Variants in STIP1 observed in about 807,000 individuals in gnomAD.
The protein encoded by STIP1 is stress-induced-phosphoprotein 1.
In STIP1, 16 loss-of-function variants were observed where a neutral mutation model predicts 77.4. The ratio of observed to expected loss-of-function variants is 0.21; its 90% CI spans 0.14 to 0.31. The LOEUF is 0.31. Among genes scored for constraint, STIP1 ranks in the 10% least tolerant of loss-of-function variants. The probability of loss-of-function intolerance (pLI) is 1.00; values close to 1 mark genes in which losing one functional copy is unlikely to be tolerated. For synonymous variants in STIP1, 258 were observed against 246.6 expected, an observed-to-expected ratio of 1.05 and a Z score of -0.44; for missense variants, 524 against 684.8, an observed-to-expected ratio of 0.77 and a Z score of 2.62.
intron 1 of STIP1, 42 bp downstream of exon 1, chr11:64,186,312 G>T: frequency 6.6e-7 from 1 of 1,504,230 alleles, no homozygotes; most frequent in Non-Finnish European, 8.9e-7. Context: ...GCCTGCTCGG[G>T]GACCGGCGGT....
rs1231208550 is a variant in STIP1 at position 64,197,534 on chromosome 11, C to G, written c.841C>G (p.Leu281Val). 4 of 1,614,022 alleles carry G rather than the reference C, an allele frequency of 2.5e-6. No homozygotes were observed. The African/African-American group carries it at 5.3e-5, about 22-fold the overall frequency. The change falls in exon 7 of 14, where the codon CTT (leucine) becomes GTT (valine). Residue 281 changes from leucine to valine, a missense_variant. Leu to Val is a conservative substitution (Grantham distance 32). Coordinates refer to ENST00000305218, the MANE Select transcript of STIP1 (RefSeq NM_006819.3). ...GGGCGACTACAATAAGTGCCGGGAGCTTTGTGAGAAGGCCATTGAAGTGGG... is the reference window on the plus strand; with the variant it reads ...GGGCGACTACAATAAGTGCCGGGAGGTTTGTGAGAAGGCCATTGAAGTGGG... ...EKGDYNKCRE[L>V]CEKAIEVGRE...
chr11:64,197,791 T>C (rs1024308230), intron 7 of STIP1, 63 bp from the exon 8 acceptor site: 49 of 1,587,256 alleles, frequency 3.1e-5, no homozygotes, highest in Non-Finnish European at 1.9e-5. Flanking sequence ...CAGGTGTGTT[T>C]TTCTGCAGGA....
chr11:64,200,298 C>A lies in STIP1; in HGVS notation c.1245+5C>A. 2 of 1,606,376 alleles carry A rather than the reference C, an allele frequency of 1.2e-6. No homozygotes were observed. Among genetic ancestry groups the A allele is most frequent in the Non-Finnish European group, 1.7e-6 (2 of 1,177,054 alleles). On this transcript the variant is annotated splice_donor_5th_base_variant and intron_variant, in intron 10 of 13. Transcript: ENST00000305218. ...GAGTTCCAGCTGGCACTCAAGGTGA[C>A]GAGACCTGTGGGGGCGGCCATTACT...
At chr11:64,194,717 G>A in intron 4 of STIP1, 97 bp downstream of exon 4, 1 of 1,475,858 alleles carries the variant, frequency 6.8e-7, no homozygotes, top group East Asian at 2.4e-5. Flanking sequence ...CTAAACTGCA[G>A]AGTTTTTGCC....
intron 8 of STIP1, among the ~76,000 whole-genome samples, chr11:64,198,703 T>C (rs1177298918): frequency 1.3e-5 from 2 of 151,640 alleles, no homozygotes; most frequent in Non-Finnish European, 2.9e-5. Context: ...TCTTTCTCTG[T>C]CATTTAACAG....
chr11:64,190,161 CG>C (rs34924525), intron 1 of STIP1, among the ~76,000 whole-genome samples: 2 of 151,936 alleles, frequency 1.3e-5, no homozygotes, highest in African/African-American at 4.8e-5. Flanking sequence ...CCACCACATC[CG>C]GGCAATTTAT....
At position 64,202,861 on chromosome 11, in the gene STIP1, G is replaced by A. The variant is rs777389412; in HGVS notation, c.1246-15G>A. On this transcript the variant is annotated splice_polypyrimidine_tract_variant and intron_variant, in intron 10 of 13. Coordinates refer to ENST00000305218, the MANE Select transcript of STIP1 (RefSeq NM_006819.3). ...AAGGGAATGAGCCTAATTTCTTTCTGTTGCTTCATTCTAGGACTGTGAGGA... is the reference window on the plus strand; with the variant it reads ...AAGGGAATGAGCCTAATTTCTTTCTATTGCTTCATTCTAGGACTGTGAGGA... 2 of 1,614,026 alleles carry A rather than the reference G, an allele frequency of 1.2e-6. No homozygotes were observed. The highest frequency in any genetic ancestry group is 2.7e-5 in the African/African-American group (2 of 74,924).
At chr11:64,186,982 T>C (rs1946029856) in intron 1 of STIP1, among the ~76,000 whole-genome samples, 1 of 152,108 alleles carries the variant, frequency 6.6e-6, no homozygotes, top group East Asian at 1.9e-4. Context: ...CCCCTCCCCC[T>C]CTTTTTGTAT....
At chr11:64,200,071 G>T in intron 9 of STIP1, 35 bp downstream of exon 9, 3 of 1,614,064 alleles carry the variant, frequency 1.9e-6, no homozygotes, top group Non-Finnish European at 2.5e-6. Flanking sequence ...GGGGAGCAGT[G>T]CTGGGTGTGC....
chr11:64,203,664 C>A (rs1368990695), intron 13 of STIP1, 42 bp downstream of exon 13: 1 of 1,613,156 alleles, frequency 6.2e-7, no homozygotes. Context: ...AAATGGAGAA[C>A]AAAAGCAGGC....
At chr11:64,191,806 A>G (rs1291514260) in intron 1 of STIP1, among the ~76,000 whole-genome samples, 2 of 151,444 alleles carry the variant, frequency 1.3e-5, no homozygotes, top group Non-Finnish European at 2.9e-5. Flanking sequence ...GGAAAATGCA[A>G]ACTTGGGGAG....
intron 12 of STIP1, 75 bp downstream of exon 12, chr11:64,203,303 A>G: frequency 1.3e-6 from 2 of 1,589,312 alleles, no homozygotes; most frequent in Middle Eastern, 1.7e-4. Context: ...TCAGTCCCTG[A>G]TTTCTTCCCT....
At chr11:64,185,658 G>A (rs1250349990), upstream of STIP1, 3 of 943,004 alleles carry the variant, frequency 3.2e-6, no homozygotes, top group African/African-American at 3.3e-5. Context: ...AGGCCCCGCA[G>A]CCGCCGGCGA....
intron 5 of STIP1, 23 bp from the exon 6 acceptor site, chr11:64,197,248 A>G: frequency 4.3e-6 from 7 of 1,613,412 alleles, no homozygotes; most frequent in Non-Finnish European, 5.1e-6. Flanking sequence ...TTTGCTCAGC[A>G]CTCACTTCTA....
At chr11:64,197,684 G>C in intron 7 of STIP1, 89 bp downstream of exon 7, 3 of 1,566,704 alleles carry the variant, frequency 1.9e-6, no homozygotes, top group Non-Finnish European at 2.6e-6. Context: ...GAGGGCTGCT[G>C]GCCATAGAAT....
rs113983642 is a variant in STIP1, at chr11:64,190,677, C to T, written c.10-2401C>T. 7.3e-3 allele frequency among the ~76,000 whole-genome samples: 1,115 copies of T among 152,270 alleles called. 10 individuals carry two copies. The highest frequency in any genetic ancestry group is 0.014 in the Admixed American group (215 of 15,296). ...GATAATACATAGAATGAGTTAGTAACTTCGGTGACAACTCTATCTCACAGA... is the reference window on the plus strand; with the variant it reads ...GATAATACATAGAATGAGTTAGTAATTTCGGTGACAACTCTATCTCACAGA... On this transcript the variant is annotated intron_variant, in intron 1 of 13. Transcript: ENST00000305218.
chr11:64,204,007 G>C, intron 13 of STIP1, 47 bp from the exon 14 acceptor site: 1 of 1,600,456 alleles, frequency 6.2e-7, no homozygotes, highest in Non-Finnish European at 8.6e-7. Context: ...GAGCAAGTAA[G>C]ACTTTAAAGG....
Position 64,194,590 on chromosome 11 carries a change from A to G in STIP1, c.473A>G (p.Gln158Arg). Residue 158 changes from glutamine (Q) to arginine (R), a missense_variant, in exon 4 of 14, where the codon CAG becomes CGG. Gln to Arg is a conservative substitution (Grantham distance 43, BLOSUM62 1). Coordinates refer to ENST00000305218, the MANE Select transcript of STIP1 (RefSeq NM_006819.3). The stretch of plus-strand genomic sequence containing the variant: ...CCTACCTACCGGGAGCTGATAGAGC[A>G]GCTACGAAACAAGCCTTCTGACCTG... ...SDPTYRELIE[Q>R]LRNKPSDLGT... is the part of the protein sequence containing the mutation. The G allele has an allele frequency of 6.2e-7, 1 of 1,614,170 alleles. No individual in the cohort carries two copies. The highest frequency in any genetic ancestry group is 8.5e-7 in the Non-Finnish European group (1 of 1,180,004).
In STIP1 at chr11:64,199,924, G is replaced by C; in HGVS notation, c.1024-16G>C. The C allele has an allele frequency of 6.2e-7, 1 of 1,613,708 alleles. No individual in the cohort carries two copies. The highest frequency in any genetic ancestry group is 8.5e-7 in the Non-Finnish European group (1 of 1,179,840). On this transcript the variant is annotated splice_polypyrimidine_tract_variant and intron_variant, in intron 8 of 13. Coordinates refer to ENST00000305218, the MANE Select transcript of STIP1 (RefSeq NM_006819.3). ...ATGAGCGTTTAAATTATTATTTCAAGAATTATGTTTTGTAGGCAGAGAAAA... is the reference window on the plus strand; with the variant it reads ...ATGAGCGTTTAAATTATTATTTCAACAATTATGTTTTGTAGGCAGAGAAAA...
Sources: gnomAD v4.1 joint callset for allele counts (sites outside exome capture counted in the v4.1 genomes callset) on GRCh38, gnomAD v4.1.1 for gene constraint, MANE v1.5 for transcripts, NCBI Gene and HGNC (gene_info 2026-07-23, HGNC 2026-07-21) for gene names.